PCSK5: variants seen among roughly 807,000 people sequenced by gnomAD.
The protein encoded by PCSK5 is prohormone convertase 5.
Under a neutral mutation model 233.2 loss-of-function variants are expected in PCSK5, and 129 were observed. The observed-to-expected ratio is 0.55, with a 90% CI of 0.48 to 0.64. The LOEUF is 0.64. Among genes scored for constraint, PCSK5 ranks in the 30% least tolerant of loss-of-function variants. PCSK5 has a pLI of 0.00. For missense variants in PCSK5, 2,076 were observed against 2,430.1 expected (o/e 0.85, Z 3.06); for synonymous variants, 825 against 879.2 (o/e 0.94, Z 1.09).
intron 3 of PCSK5, among the ~76,000 whole-genome samples, chr9:76,005,617 T>C (rs1212115806): frequency 1.3e-5 from 2 of 152,210 alleles, no homozygotes; most frequent in African/African-American, 2.4e-5. Context: ...CATATGTTTC[T>C]ACAAATAACT....
At chr9:76,072,680 C>T (rs374537470) in intron 7 of PCSK5, among the ~76,000 whole-genome samples, 426 of 152,196 alleles carry the variant, frequency 2.8e-3, no homozygotes, top group African/African-American at 9.8e-3. Flanking sequence ...TTTTCTTCTC[C>T]TCTCTTTTAC....
At chr9:76,276,924 T>C (rs1827709358) in intron 24 of PCSK5, among the ~76,000 whole-genome samples, 1 of 152,138 alleles carries the variant, frequency 6.6e-6, no homozygotes, top group Admixed American at 6.6e-5. Flanking sequence ...TTATGCTTTG[T>C]TTTCATTCTA....
intron 36 of PCSK5, among the ~76,000 whole-genome samples, chr9:76,351,277 C>G (rs1289057063): frequency 1.3e-5 from 2 of 151,840 alleles, no homozygotes; most frequent in Non-Finnish European, 2.9e-5. Context: ...TTACTTCTGT[C>G]TGGTCTAAGC....
At chr9:76,292,429 A>G (rs898561714) in intron 25 of PCSK5, among the ~76,000 whole-genome samples, 154 bp downstream of exon 25, 1 of 152,190 alleles carries the variant, frequency 6.6e-6, no homozygotes, top group Non-Finnish European at 1.5e-5. Context: ...GGATTTAGCA[A>G]TAAGAGCCCA....
intron 2 of PCSK5, among the ~76,000 whole-genome samples, chr9:75,978,265 T>C (rs1826115772): frequency 6.6e-6 from 1 of 152,198 alleles, no homozygotes; most frequent in Admixed American, 6.5e-5. Flanking sequence ...TTGTCAAGCA[T>C]CGTCTTTGGT....
chr9:76,284,373 G>T lies in PCSK5; in HGVS notation c.3143-7860G>T, dbSNP rs149248378. On this transcript the variant is annotated intron_variant, in intron 24 of 37. Coordinates refer to ENST00000674117, the MANE Select transcript of PCSK5 (RefSeq NM_001372043.1). Reference sequence around the variant, plus strand: ...TCTCATGATAGTGAATAAGTTTCATGAGATCTGATGGTTTTATAAAGGACA... The same window carrying T: ...TCTCATGATAGTGAATAAGTTTCATTAGATCTGATGGTTTTATAAAGGACA... 1.2e-3 allele frequency among the ~76,000 whole-genome samples: 179 copies of T among 152,196 alleles called. 2 individuals carry two copies. Among genetic ancestry groups the T allele is most frequent in the African/African-American group, 4.2e-3 (175 of 41,524 alleles).
intron 33 of PCSK5, among the ~76,000 whole-genome samples, chr9:76,330,688 G>A (rs1048063083): frequency 3.3e-5 from 5 of 151,850 alleles, no homozygotes; most frequent in Non-Finnish European, 7.4e-5. Flanking sequence ...CATATTGAGC[G>A]AGGACACCAT....
intron 21 of PCSK5, among the ~76,000 whole-genome samples, chr9:76,228,719 C>T (rs10781349): frequency 0.65 from 99,430 of 152,114 alleles, 33,020 homozygotes; most frequent in African/African-American, 0.71. Context: ...CCCTGCCCAA[C>T]GCAAAGGAAG....
At position 76,175,017 on chromosome 9, in the gene PCSK5, C is replaced by T. The variant is rs376160209; in HGVS notation, c.1788C>T (p.Tyr596=). 3.9e-5 allele frequency: 63 copies of T among 1,612,820 alleles called. No individual in the cohort carries two copies. The Admixed American group carries it at 4.0e-4, about 10-fold the overall frequency. Residue 596 remains tyrosine (Y), a synonymous_variant, in exon 14 of 38, where the codon TAC becomes TAT. Transcript: ENST00000674117. ...GKLKEWSLVL[Y]GTSVQPYSPT... ...TGAAAGAATGGTCTTTGGTCCTCTA[C>T]GGCACCTCCGTGCAGCCATATTCAC...
chr9:76,025,203 A>G (rs990220627), intron 4 of PCSK5, among the ~76,000 whole-genome samples: 1 of 152,194 alleles, frequency 6.6e-6, no homozygotes, highest in Non-Finnish European at 1.5e-5. Context: ...CAGAAAATCA[A>G]GATAGTGTTT....
At chr9:75,997,852 A>C (rs190018280) in intron 3 of PCSK5, among the ~76,000 whole-genome samples, 26 of 152,334 alleles carry the variant, frequency 1.7e-4, no homozygotes, top group Admixed American at 9.8e-4. Context: ...TTGGTACAAG[A>C]GTTACAGAAT....
chr9:76,023,610 A>G, intron 3 of PCSK5, 128 bp from the exon 4 acceptor site: 1 of 753,596 alleles, frequency 1.3e-6, no homozygotes, highest in South Asian at 2.4e-5. Context: ...GGTTACAGTA[A>G]GCTCATCACA....
chr9:76,018,120 G>C (rs1217809816), intron 3 of PCSK5, among the ~76,000 whole-genome samples: 1 of 151,522 alleles, frequency 6.6e-6, no homozygotes, highest in Admixed American at 6.6e-5. Flanking sequence ...CCATTGGAAG[G>C]CATGACTTAA....
At chr9:76,177,373 C>G (rs1217207048) in intron 14 of PCSK5, among the ~76,000 whole-genome samples, 1 of 152,104 alleles carries the variant, frequency 6.6e-6, no homozygotes, top group African/African-American at 2.4e-5. Context: ...TTTTTTCTTG[C>G]AGTTCTGAGG....
chr9:75,903,117 A>C (rs1826111944), intron 1 of PCSK5, among the ~76,000 whole-genome samples: 1 of 151,786 alleles, frequency 6.6e-6, no homozygotes, highest in East Asian at 1.9e-4. Flanking sequence ...TCTGCCCTTT[A>C]AATACGTATT....
At chr9:76,192,282 G>T (rs987899827) in intron 20 of PCSK5, among the ~76,000 whole-genome samples, 1 of 152,058 alleles carries the variant, frequency 6.6e-6, no homozygotes, top group African/African-American at 2.4e-5. Context: ...GGGAAAAGAA[G>T]AATCATATCT....
intron 24 of PCSK5, among the ~76,000 whole-genome samples, chr9:76,254,824 G>A (rs971216500): frequency 2.6e-4 from 40 of 152,204 alleles, no homozygotes; most frequent in Non-Finnish European, 3.5e-4. Flanking sequence ...GATGAATAAA[G>A]CTTGTTCTTT....
At chr9:76,268,938 A>G (rs1191815357) in intron 24 of PCSK5, among the ~76,000 whole-genome samples, 1 of 152,232 alleles carries the variant, frequency 6.6e-6, no homozygotes, top group Admixed American at 6.5e-5. Context: ...GCCACTAATT[A>G]ACTGTTTGGC....
rs1422952836 is a variant in PCSK5, at chr9:76,121,978, T to C, written c.1209-12131T>C. 1.1e-4 allele frequency among the ~76,000 whole-genome samples: 11 copies of C among 104,714 alleles called. 3 individuals carry two copies. Among genetic ancestry groups the C allele is most frequent in the African/African-American group, 1.9e-4 (6 of 31,762 alleles). 68.7% of individuals were successfully genotyped at this position (104,714 alleles called of 152,430 possible). A position where few individuals can be genotyped will look rare whatever the true frequency, so the allele number is the denominator to read the frequency against. On this transcript the variant is annotated intron_variant, in intron 9 of 37. Coordinates refer to ENST00000674117, the MANE Select transcript of PCSK5 (RefSeq NM_001372043.1). ...AGCAGGGACTACAGGCGCCCGCCAC[T>C]ACGCCCGGCTAATTTTTTGTATTTT...
Sources: gnomAD v4.1 joint callset for allele counts (sites outside exome capture counted in the v4.1 genomes callset) on GRCh38, gnomAD v4.1.1 for gene constraint, MANE v1.5 for transcripts, NCBI Gene and HGNC (gene_info 2026-07-23, HGNC 2026-07-21) for gene names.